CCSER2: variants seen among roughly 807,000 people sequenced by gnomAD.
CCSER2 encodes coiled-coil serine rich protein 2.
In CCSER2, 46 loss-of-function variants were observed where a neutral mutation model predicts 92.3. The observed-to-expected ratio is 0.50, with a 90% CI of 0.39 to 0.64. CCSER2 has a LOEUF of 0.64. CCSER2 is among the 30% of genes least tolerant of loss of function. The probability of loss-of-function intolerance (pLI) is 0.00; values close to 1 mark genes in which losing one functional copy is unlikely to be tolerated. For missense variants in CCSER2, 1,244 were observed against 1,238.9 expected (o/e 1.00, Z -0.06); for synonymous variants, 433 against 431.4 (o/e 1.00, Z -0.04).
chr10:84,477,585 A>G lies in CCSER2; in HGVS notation c.2246A>G (p.His749Arg). ...TGTGTTTTTGTTTAGGCAACTCAGC[A>G]TATCTGCCACCAAAAATGTAAAGAG... ...QLLELQLATQ[H>R]ICHQKCKEEK... The change falls in exon 9 of 10, where the codon CAT (histidine) becomes CGT (arginine). Residue 749 changes from histidine to arginine, a missense_variant. Coordinates refer to ENST00000372088, the MANE Select transcript of CCSER2 (RefSeq NM_001284240.2). 2 of 1,609,200 alleles carry G rather than the reference A, an allele frequency of 1.2e-6. No homozygotes were observed. Among genetic ancestry groups the G allele is most frequent in the Non-Finnish European group, 8.5e-7 (1 of 1,176,022 alleles).
chr10:84,496,822 A>G (rs1028144664), intron 9 of CCSER2, among the ~76,000 whole-genome samples: 5 of 151,582 alleles, frequency 3.3e-5, no homozygotes, highest in African/African-American at 1.2e-4. Flanking sequence ...AAATCACCAT[A>G]TTTTTCCTTG....
At chr10:84,374,102 TG>T (rs899401001) in intron 3 of CCSER2, 2 of 602,000 alleles carry the variant, frequency 3.3e-6, no homozygotes, top group African/African-American at 3.7e-5. Flanking sequence ...TCTCAAAGAC[TG>T]GGGGAGGAGG....
Position 84,370,996 on chromosome 10 carries a change from T to A in CCSER2, c.-39-18T>A, listed in dbSNP as rs1207581098. On this transcript the variant is annotated intron_variant, in intron 1 of 9. Transcript: ENST00000372088. The stretch of plus-strand genomic sequence containing the variant: ...CTTATTTAGGAATGTTTAATGTACT[T>A]CTTTTTTCTCTTCACAGATTCTTTC... 1.8e-6 allele frequency: 2 copies of A among 1,119,394 alleles called. No homozygotes were observed. The highest frequency in any genetic ancestry group is 3.1e-5 in the African/African-American group (2 of 63,512). 69.3% of individuals were successfully genotyped at this position (1,119,394 alleles called of 1,614,324 possible).
intron 9 of CCSER2, among the ~76,000 whole-genome samples, chr10:84,489,042 C>A (rs1847981562): frequency 6.6e-6 from 1 of 152,054 alleles, no homozygotes; most frequent in East Asian, 1.9e-4. Flanking sequence ...CATGTAGTTG[C>A]ACAGTTTTGA....
intron 1 of CCSER2, among the ~76,000 whole-genome samples, chr10:84,342,069 C>T (rs538481431): frequency 4.6e-5 from 7 of 152,190 alleles, no homozygotes; most frequent in East Asian, 1.9e-4. Context: ...CCCTTCCCCC[C>T]CCTGGAGGTT....
At chr10:84,431,918 T>C (rs915032876) in intron 5 of CCSER2, among the ~76,000 whole-genome samples, 4 of 152,190 alleles carry the variant, frequency 2.6e-5, no homozygotes, top group African/African-American at 9.6e-5. Context: ...TTGGTAAATA[T>C]CAAGGAGCAC....
chr10:84,487,626 TAAG>T (rs1295151844), intron 9 of CCSER2, among the ~76,000 whole-genome samples: 3 of 152,186 alleles, frequency 2.0e-5, no homozygotes, highest in African/African-American at 7.2e-5. Context: ...CTTATCAGCT[TAAG>T]GAGATTTTGG....
chr10:84,402,519 AT>A (rs1842172267), intron 3 of CCSER2, among the ~76,000 whole-genome samples: 1 of 152,238 alleles, frequency 6.6e-6, no homozygotes, highest in African/African-American at 2.4e-5. Flanking sequence ...TTGAAAATCG[AT>A]CAGTATAATC....
At chr10:84,470,615 G>A (rs1251283900) in intron 8 of CCSER2, among the ~76,000 whole-genome samples, 157 bp downstream of exon 8, 2 of 152,042 alleles carry the variant, frequency 1.3e-5, no homozygotes, top group Non-Finnish European at 2.9e-5. Flanking sequence ...ATAAAAGTAT[G>A]TGATTTAACT....
At chr10:84,355,096 T>C (rs1162907822) in intron 1 of CCSER2, among the ~76,000 whole-genome samples, 1 of 152,062 alleles carries the variant, frequency 6.6e-6, no homozygotes, top group Non-Finnish European at 1.5e-5. Context: ...TCTTAACCCA[T>C]CTCCCCTTCT....
intron 3 of CCSER2, among the ~76,000 whole-genome samples, chr10:84,390,420 G>A (rs1045323288): frequency 1.3e-5 from 2 of 152,156 alleles, no homozygotes; most frequent in African/African-American, 2.4e-5. Flanking sequence ...TGTGATATTA[G>A]CCTATTGCTC....
At chr10:84,392,974 G>T (rs1372573141) in intron 3 of CCSER2, among the ~76,000 whole-genome samples, 1 of 152,060 alleles carries the variant, frequency 6.6e-6, no homozygotes, top group Non-Finnish European at 1.5e-5. Flanking sequence ...AATTAGTGGG[G>T]AAGTAGCATG....
At chr10:84,504,188 C>T (rs896264982) in intron 9 of CCSER2, among the ~76,000 whole-genome samples, 1 of 151,652 alleles carries the variant, frequency 6.6e-6, no homozygotes, top group African/African-American at 2.4e-5. Flanking sequence ...TCTATTTTGC[C>T]CATATAAATA....
Position 84,391,004 on chromosome 10 carries a change from TCGTG to T in CCSER2, c.1614+17191_1614+17194del, listed in dbSNP as rs1841487924. The T allele has an allele frequency of 3.5e-5, 27 of 773,012 alleles. 1 individual carries two copies. The highest frequency in any genetic ancestry group is 3.1e-4 in the South Asian group (23 of 74,536). The allele number at this position is 773,012 out of a possible 1,614,324, so 47.9% of individuals were successfully genotyped here. A position where few individuals can be genotyped will look rare whatever the true frequency, so the allele number is the denominator to read the frequency against. On this transcript the variant is annotated intron_variant, in intron 3 of 9. Transcript: ENST00000372088. Reference sequence around the variant, plus strand: ...AGTAAATACCAGCATAAGAACCTGCTCGTGCTTTACAATGCCTTAGGAACATTAG... The same window carrying T: ...AGTAAATACCAGCATAAGAACCTGCTCTTTACAATGCCTTAGGAACATTAG...
intron 9 of CCSER2, among the ~76,000 whole-genome samples, chr10:84,493,586 G>T (rs1392168460): frequency 6.6e-6 from 1 of 152,126 alleles, no homozygotes; most frequent in Non-Finnish European, 1.5e-5. Context: ...CTAAGCAAGG[G>T]GTGGATTATT....
chr10:84,438,473 G>T (rs763081184), intron 5 of CCSER2, 39 bp from the exon 6 acceptor site: 7 of 1,046,574 alleles, frequency 6.7e-6, no homozygotes, highest in South Asian at 4.8e-5. Context: ...AAATTGTATT[G>T]TATATCTTTT....
intron 3 of CCSER2, among the ~76,000 whole-genome samples, chr10:84,392,316 C>CAAAAAAAAA (rs71473611): frequency 1.0e-3 from 56 of 53,706 alleles, no homozygotes; most frequent in South Asian, 1.9e-3. Context: ...TCTGAAGAAG[C>CAAAAAAAAA]AAAAAAAAAA....
chr10:84,499,521 A>G (rs1444050479), intron 9 of CCSER2, among the ~76,000 whole-genome samples: 1 of 152,098 alleles, frequency 6.6e-6, no homozygotes. Flanking sequence ...CCTAAAGTCT[A>G]TCTCCCCCTT....
At chr10:84,333,356 C>G (rs1383214104) in intron 1 of CCSER2, among the ~76,000 whole-genome samples, 1 of 152,090 alleles carries the variant, frequency 6.6e-6, no homozygotes, top group Non-Finnish European at 1.5e-5. Flanking sequence ...CTTACCTAAT[C>G]TTCACAGCAA....
Sources: gnomAD v4.1 joint callset for allele counts (sites outside exome capture counted in the v4.1 genomes callset) on GRCh38, gnomAD v4.1.1 for gene constraint, MANE v1.5 for transcripts, NCBI Gene and HGNC (gene_info 2026-07-23, HGNC 2026-07-21) for gene names.